Variants in ITGB6 observed in about 807,000 individuals in gnomAD.
ITGB6 encodes integrin subunit beta 6.
Under a neutral mutation model 84.5 loss-of-function variants are expected in ITGB6, and 80 were observed. The ratio of observed to expected loss-of-function variants is 0.95; its 90% confidence interval spans 0.79 to 1.14. The LOEUF is 1.14. Ranked by LOEUF, ITGB6 falls within the 50% of genes most tolerant of loss-of-function variation. The pLI, the probability that ITGB6 is intolerant of heterozygous loss-of-function variation, is 0.00. For missense variants in ITGB6, 1,006 were observed against 968.0 expected (o/e 1.04, Z -0.52); for synonymous variants, 383 against 354.9 (o/e 1.08, Z -0.89).
intron 7 of ITGB6, among the ~76,000 whole-genome samples, chr2:160,148,801 G>A (rs984020851): frequency 2.0e-5 from 3 of 152,192 alleles, no homozygotes; most frequent in Non-Finnish European, 2.9e-5. Context: ...ATTCTCTCCC[G>A]TACCTGGCTA....
At chr2:160,158,027 A>G (rs1437781808) in intron 7 of ITGB6, among the ~76,000 whole-genome samples, 12 of 152,272 alleles carry the variant, frequency 7.9e-5, no homozygotes, top group African/African-American at 1.4e-4. Context: ...CCCAGGCTCA[A>G]CTGTGTTACT....
intron 7 of ITGB6, among the ~76,000 whole-genome samples, chr2:160,164,276 G>A (rs1452301602): frequency 1.3e-5 from 2 of 152,340 alleles, no homozygotes; most frequent in East Asian, 3.9e-4. Context: ...CTCATGATAT[G>A]TTTGAGAAAT....
At chr2:160,196,149 T>C (rs1686324016) in intron 3 of ITGB6, 67 bp downstream of exon 3, 5 of 1,289,808 alleles carry the variant, frequency 3.9e-6, no homozygotes, top group Admixed American at 3.4e-5. Context: ...ACAAGACACA[T>C]TAGCAAGGTA....
chr2:160,135,502 C>G (rs1040905745), intron 10 of ITGB6, among the ~76,000 whole-genome samples: 2 of 144,812 alleles, frequency 1.4e-5, no homozygotes, highest in Admixed American at 7.0e-5. Flanking sequence ...AGATTCAATG[C>G]CATCCCCATC....
At chr2:160,102,769 C>G (rs1696768750) in intron 14 of ITGB6, among the ~76,000 whole-genome samples, 1 of 148,586 alleles carries the variant, frequency 6.7e-6, no homozygotes, top group Non-Finnish European at 1.5e-5. Context: ...CTCCCACTTT[C>G]CAAGGCTGAT....
chr2:160,167,538 C>T (rs1049703149), intron 7 of ITGB6, among the ~76,000 whole-genome samples: 1 of 152,050 alleles, frequency 6.6e-6, no homozygotes, highest in African/African-American at 2.4e-5. Flanking sequence ...AACATAAATT[C>T]GCCTCATAAT....
intron 4 of ITGB6, among the ~76,000 whole-genome samples, chr2:160,177,502 C>T (rs1685474296): frequency 1.3e-5 from 2 of 151,290 alleles, no homozygotes; most frequent in Non-Finnish European, 2.9e-5. Context: ...ACCCGGGAGG[C>T]GGAGCTTGCA....
At chr2:160,189,193 A>G (rs1686035905) in intron 4 of ITGB6, among the ~76,000 whole-genome samples, 4 of 152,238 alleles carry the variant, frequency 2.6e-5, no homozygotes. Flanking sequence ...ACCTTATACA[A>G]AAATTAATTC....
chr2:160,172,766 G>A (rs749158241), intron 5 of ITGB6, 36 bp from the exon 6 acceptor site: 3 of 1,539,630 alleles, frequency 1.9e-6, no homozygotes, highest in Non-Finnish European at 1.8e-6. Context: ...TGATATTGGA[G>A]GGAGGCAGGC....
chr2:160,176,520 T>C (rs1685426299), intron 4 of ITGB6, among the ~76,000 whole-genome samples: 1 of 152,242 alleles, frequency 6.6e-6, no homozygotes, highest in Non-Finnish European at 1.5e-5. Context: ...ATATTGTTCA[T>C]CAGGTTTCAT....
chr2:160,182,050 A>C (rs1046418285), intron 4 of ITGB6, among the ~76,000 whole-genome samples: 3 of 152,256 alleles, frequency 2.0e-5, no homozygotes, highest in Admixed American at 2.0e-4. Context: ...TAATGCAAAA[A>C]GACTGAAAAT....
At chr2:160,158,228 A>G (rs1684698803) in intron 7 of ITGB6, among the ~76,000 whole-genome samples, 1 of 152,186 alleles carries the variant, frequency 6.6e-6, no homozygotes, top group African/African-American at 2.4e-5. Context: ...TGCCCCAGCA[A>G]TGACTAGGTT....
chr2:160,195,678 C>T (rs1686308283), intron 3 of ITGB6, 63 bp from the exon 4 acceptor site: 1 of 1,591,826 alleles, frequency 6.3e-7, no homozygotes, highest in Non-Finnish European at 8.6e-7. Context: ...TGCTACTGGC[C>T]ACTCGCTGGG....
At chr2:160,123,635 G>A (rs746519785) in intron 12 of ITGB6, among the ~76,000 whole-genome samples, 156 bp downstream of exon 12, 1 of 152,136 alleles carries the variant, frequency 6.6e-6, no homozygotes, top group African/African-American at 2.4e-5. Flanking sequence ...TAGTCTTATA[G>A]GATGCATTTA....
At chr2:160,195,324 A>G (rs749524708) in intron 4 of ITGB6, 45 bp downstream of exon 4, 10 of 1,611,404 alleles carry the variant, frequency 6.2e-6, no homozygotes, top group Non-Finnish European at 6.8e-6. Flanking sequence ...GAGTATCTCC[A>G]CAGAAAATCA....
intron 4 of ITGB6, among the ~76,000 whole-genome samples, chr2:160,181,513 A>G (rs1364148275): frequency 6.6e-6 from 1 of 152,190 alleles, no homozygotes; most frequent in Non-Finnish European, 1.5e-5. Flanking sequence ...TGAAACTCCC[A>G]TCTCCCTGGG....
chr2:160,126,172 A>G (rs994452112), intron 11 of ITGB6, among the ~76,000 whole-genome samples: 7 of 152,170 alleles, frequency 4.6e-5, no homozygotes, highest in South Asian at 2.1e-4. Flanking sequence ...GTGATTCTGG[A>G]TAATCAGGAC....
At chr2:160,135,032 A>T (rs1683645123) in intron 10 of ITGB6, among the ~76,000 whole-genome samples, 1 of 152,328 alleles carries the variant, frequency 6.6e-6, no homozygotes, top group Non-Finnish European at 1.5e-5. Context: ...CCTGTTCAAC[A>T]TAGTGTTGGA....
At chr2:160,174,252 C>T in intron 4 of ITGB6, 113 bp from the exon 5 acceptor site, 1 of 759,998 alleles carries the variant, frequency 1.3e-6, no homozygotes, top group Non-Finnish European at 2.1e-6. Context: ...TTCTAAAGGG[C>T]CTGACTCTGC....
Sources: gnomAD v4.1 joint callset for allele counts (sites outside exome capture counted in the v4.1 genomes callset) on GRCh38, gnomAD v4.1.1 for gene constraint, MANE v1.5 for transcripts, NCBI Gene and HGNC (gene_info 2026-07-23, HGNC 2026-07-21) for gene names.